OTOGL: variants seen among roughly 807,000 people sequenced by gnomAD.
The protein encoded by OTOGL is otogelin like.
In OTOGL, 285 loss-of-function variants were observed where a neutral mutation model predicts 318.5. The ratio of observed to expected loss-of-function variants is 0.89; its 90% CI spans 0.81 to 0.99. The LOEUF is 0.99. Among genes scored for constraint, OTOGL ranks in the 50% least tolerant of loss-of-function variants. OTOGL has a pLI of 0.00. For missense variants in OTOGL, 2,899 were observed against 2,845.6 expected (o/e 1.02, Z -0.43); for synonymous variants, 987 against 936.5 (o/e 1.05, Z -0.99).
chr12:80,271,682 C>T lies in OTOGL; in HGVS notation c.2553C>T (p.Asp851=). The T allele has an allele frequency of 6.2e-7, 1 of 1,613,062 alleles. No individual in the cohort carries two copies. The highest frequency in any genetic ancestry group is 8.5e-7 in the Non-Finnish European group (1 of 1,179,404). Residue 851 remains aspartate, a synonymous_variant, in exon 24 of 59, where the codon GAC becomes GAT. Coordinates refer to ENST00000547103, the MANE Select transcript of OTOGL (RefSeq NM_001378609.3). ...HICPEGKEYF[D]CRFPDPELPA... ...GCCCAGAGGGAAAAGAGTATTTCGA[C>T]TGCAGGTTTCCTGACCCTGAATTAC... is the stretch of plus-strand genomic sequence containing the variant.
rs1219906779 is a variant in OTOGL at position 80,380,420 on chromosome 12, A to G, written c.*2372A>G. 6.6e-6 allele frequency: 1 copy of G among 152,068 alleles called. No individual in the cohort carries two copies. Among genetic ancestry groups the G allele is most frequent in the Non-Finnish European group, 1.5e-5 (1 of 67,946 alleles). The allele number at this position is 152,068 out of a possible 1,614,324, so 9.4% of individuals were successfully genotyped here. ...AAGAACTCTTGAAAAAAATAACAAA[A>G]GGAAAAAATTAACAACCTGATAGAA... is the stretch of plus-strand genomic sequence containing the variant. On this transcript the variant is annotated 3_prime_UTR_variant, in exon 59 of 59. Coordinates refer to ENST00000547103, the MANE Select transcript of OTOGL (RefSeq NM_001378609.3).
chr12:80,211,921 T>C (rs1037394082), intron 3 of OTOGL, 28 bp from the exon 4 acceptor site: 7 of 1,541,120 alleles, frequency 4.5e-6, no homozygotes, highest in South Asian at 1.2e-5. Flanking sequence ...GGCCTTTGAC[T>C]GTACAAGTTC....
chr12:80,231,982 T>G (rs935201184), intron 8 of OTOGL, among the ~76,000 whole-genome samples: 2 of 152,094 alleles, frequency 1.3e-5, no homozygotes, highest in African/African-American at 4.8e-5. Context: ...ATTTCTGTAA[T>G]TATTAGTACT....
intron 35 of OTOGL, among the ~76,000 whole-genome samples, chr12:80,326,835 G>A (rs1887704774): frequency 6.6e-6 from 1 of 152,110 alleles, no homozygotes; most frequent in South Asian, 2.1e-4. Flanking sequence ...AACTTTTCTT[G>A]TCTTTAAAAA....
chr12:80,154,469 C>A (rs188640888), intron 1 of OTOGL, among the ~76,000 whole-genome samples: 10 of 151,546 alleles, frequency 6.6e-5, no homozygotes, highest in Non-Finnish European at 1.2e-4. Flanking sequence ...CACAATCAAT[C>A]AAATATTTTC....
chr12:80,216,214 G>A (rs1877705497), intron 4 of OTOGL, among the ~76,000 whole-genome samples: 1 of 152,164 alleles, frequency 6.6e-6, no homozygotes, highest in Non-Finnish European at 1.5e-5. Flanking sequence ...GATGGAAAAT[G>A]TCAAAATAAA....
chr12:80,360,683 T>C (rs1890189971), intron 52 of OTOGL, among the ~76,000 whole-genome samples: 2 of 151,878 alleles, frequency 1.3e-5, no homozygotes, highest in African/African-American at 2.4e-5. Flanking sequence ...GGTTTCACCA[T>C]GTTGGCCAGG....
chr12:80,271,520 T>G (rs1236860667), intron 23 of OTOGL, 128 bp from the exon 24 acceptor site: 1 of 839,128 alleles, frequency 1.2e-6, no homozygotes, highest in Non-Finnish European at 1.8e-6. Flanking sequence ...TACTGTCTTA[T>G]GGAAGGCAGC....
chr12:80,216,114 A>C (rs1315483610), intron 4 of OTOGL, among the ~76,000 whole-genome samples: 1 of 152,018 alleles, frequency 6.6e-6, no homozygotes, highest in East Asian at 1.9e-4. Context: ...CCAGGAGTTA[A>C]GCCCAGCCCA....
At chr12:80,289,080 T>C (rs117356030) in intron 26 of OTOGL, among the ~76,000 whole-genome samples, 1 of 152,268 alleles carries the variant, frequency 6.6e-6, no homozygotes, top group East Asian at 1.9e-4. Context: ...TGGATGGGGA[T>C]TTTGTATGGA....
At chr12:80,339,006 T>C in intron 42 of OTOGL, 69 bp from the exon 43 acceptor site, 1 of 1,222,408 alleles carries the variant, frequency 8.2e-7, no homozygotes, top group Non-Finnish European at 1.1e-6. Context: ...AATAAAGGAA[T>C]AATCTGTATT....
At position 80,219,687 on chromosome 12, in the gene OTOGL, G is replaced by A. The variant is rs1050455262; in HGVS notation, c.236-127G>A. The A allele has an allele frequency of 6.7e-5, 46 of 686,582 alleles. No individual in the cohort carries two copies. In the African/African-American group the frequency reaches 7.8e-4, roughly 12 times the overall value. 42.5% of individuals were successfully genotyped at this position (686,582 alleles called of 1,614,324 possible). On this transcript the variant is annotated intron_variant, in intron 5 of 58. Transcript: ENST00000547103. ...GGGTTTAGTTCTTTAGCTTAGCAAG[G>A]CAAGAGGCTGAGAGTTCTGTTTAAG...
At chr12:80,165,209 G>T (rs781183317) in intron 1 of OTOGL, among the ~76,000 whole-genome samples, 3 of 152,148 alleles carry the variant, frequency 2.0e-5, no homozygotes, top group Non-Finnish European at 4.4e-5. Flanking sequence ...ATTCTTTAGA[G>T]ATTTGTAAAA....
At chr12:80,285,449 A>C (rs1473172696) in intron 26 of OTOGL, among the ~76,000 whole-genome samples, 2 of 152,160 alleles carry the variant, frequency 1.3e-5, no homozygotes, top group African/African-American at 4.8e-5. Context: ...ATAGCATTGA[A>C]TCTATAAATT....
At chr12:80,212,250 G>C (rs923211598) in intron 4 of OTOGL, among the ~76,000 whole-genome samples, 11 of 151,894 alleles carry the variant, frequency 7.2e-5, no homozygotes, top group African/African-American at 2.7e-4. Flanking sequence ...CCTACTAATA[G>C]GCTTGAGGCA....
At chr12:80,142,472 A>G (rs2137144080) in intron 1 of OTOGL, among the ~76,000 whole-genome samples, 1 of 152,300 alleles carries the variant, frequency 6.6e-6, no homozygotes, top group Middle Eastern at 3.4e-3. Context: ...TGTTGTGCCA[A>G]GATATAAACT....
At chr12:80,120,127 G>T (rs532802622) in intron 1 of OTOGL, among the ~76,000 whole-genome samples, 1 of 151,744 alleles carries the variant, frequency 6.6e-6, no homozygotes, top group African/African-American at 2.4e-5. Flanking sequence ...TGTGTCTTTA[G>T]CTTGATTATT....
chr12:80,222,822 GC>G (rs1878474020), intron 7 of OTOGL, among the ~76,000 whole-genome samples: 1 of 152,136 alleles, frequency 6.6e-6, no homozygotes, highest in Non-Finnish European at 1.5e-5. Context: ...TCTCTGTTAT[GC>G]TTTCCCTTTT....
chr12:80,207,947 A>G (rs1162443034), intron 1 of OTOGL, among the ~76,000 whole-genome samples: 1 of 152,200 alleles, frequency 6.6e-6, no homozygotes, highest in East Asian at 1.9e-4. Flanking sequence ...ATGATTGTCT[A>G]ATTAGTTCAA....
Sources: allele counts gnomAD v4.1 joint callset (sites outside exome capture counted in the v4.1 genomes callset), GRCh38; gene constraint gnomAD v4.1.1; transcripts MANE v1.5; gene names NCBI Gene and HGNC (gene_info 2026-07-23, HGNC 2026-07-21).